Variants in HSPA14 observed in about 807,000 individuals in gnomAD.
HSPA14 encodes the protein heat shock protein family A (Hsp70) member 14, also known as heat shock 70 kDa protein 14.
Under a neutral mutation model 65.5 loss-of-function variants are expected in HSPA14, and 37 were observed. The ratio of observed to expected loss-of-function variants is 0.56; its 90% CI spans 0.43 to 0.74. The LOEUF is 0.74. HSPA14 is among the 30% of genes least tolerant of loss of function. The pLI is 0.00. For missense variants in HSPA14, 564 were observed against 607.6 expected, an observed-to-expected ratio of 0.93 and a Z score of 0.75; for synonymous variants, 203 against 214.2, an observed-to-expected ratio of 0.95 and a Z score of 0.46.
Position 14,870,700 on chromosome 10 carries a change from T to C in HSPA14, c.1451+33T>C, listed in dbSNP as rs555568349. The C allele has an allele frequency of 2.0e-5, 30 of 1,499,368 alleles. No homozygotes were observed. In the African/African-American group the frequency reaches 4.1e-4, roughly 20 times the overall value. The allele number at this position is 1,499,368 out of a possible 1,614,324, so 92.9% of individuals were successfully genotyped here. Reference sequence around the variant, plus strand: ...ATTAAACTTCTGTTGTTAAGAAAATTCAATTTGATACTTGACCATTTTTTG... The same window carrying C: ...ATTAAACTTCTGTTGTTAAGAAAATCCAATTTGATACTTGACCATTTTTTG... On this transcript the variant is annotated intron_variant, in intron 13 of 13. Coordinates refer to ENST00000378372, the MANE Select transcript of HSPA14 (RefSeq NM_016299.4).
intron 5 of HSPA14, 153 bp from the exon 6 acceptor site, chr10:14,849,568 C>T (rs777374927): frequency 1.7e-5 from 12 of 703,498 alleles, no homozygotes; most frequent in East Asian, 2.8e-5. Flanking sequence ...GATTTCAGAG[C>T]GCAGAGAAGA....
Position 14,849,618 on chromosome 10 carries a change from G to A in HSPA14, c.377-103G>A. On this transcript the variant is annotated intron_variant, in intron 5 of 13. Coordinates refer to ENST00000378372, the MANE Select transcript of HSPA14 (RefSeq NM_016299.4). The stretch of plus-strand genomic sequence containing the variant: ...GCGGGGTGGGCAAGCAAGTGTATTG[G>A]GAAATATGTTAAGTGAGATCTTTGT... 5 of 950,090 alleles carry A rather than the reference G, an allele frequency of 5.3e-6. No individual in the cohort carries two copies. In the South Asian group the frequency reaches 5.7e-5, roughly 11 times the overall value. 58.9% of individuals were successfully genotyped at this position (950,090 alleles called of 1,614,324 possible).
At chr10:14,865,351 C>A (rs1243366194) in intron 10 of HSPA14, among the ~76,000 whole-genome samples, 2 of 151,358 alleles carry the variant, frequency 1.3e-5, no homozygotes, top group African/African-American at 2.4e-5. Flanking sequence ...TCAATTTTGG[C>A]TTTTGTTGCC....
At chr10:14,869,388 C>G (rs1832835563) in intron 12 of HSPA14, among the ~76,000 whole-genome samples, 1 of 151,890 alleles carries the variant, frequency 6.6e-6, no homozygotes, top group African/African-American at 2.4e-5. Flanking sequence ...CCTCCACCTC[C>G]CGGGTTCAAC....
intron 12 of HSPA14, among the ~76,000 whole-genome samples, chr10:14,869,580 C>A (rs1462015421): frequency 1.3e-5 from 2 of 152,162 alleles, no homozygotes; most frequent in African/African-American, 4.8e-5. Context: ...CAGGCATGAG[C>A]CACCACGCCT....
Position 14,850,314 on chromosome 10 carries a change from AC to A in HSPA14, c.467+505del, listed in dbSNP as rs570357490. ...GAGAACATAAAATTAAATATGGTGT[AC>A]CTTCAGCTGTTTCGATCGGAAACAT... On this transcript the variant is annotated intron_variant, in intron 6 of 13. Coordinates refer to ENST00000378372, the MANE Select transcript of HSPA14 (RefSeq NM_016299.4). Among the ~76,000 whole-genome samples the A allele has an allele frequency of 1.5e-3, 223 of 151,934 alleles. 1 individual carries two copies. Among genetic ancestry groups the A allele is most frequent in the African/African-American group, 4.7e-3 (194 of 41,424 alleles).
chr10:14,838,492 T>C, intron 1 of HSPA14, 33 bp downstream of exon 1: 1 of 1,566,428 alleles, frequency 6.4e-7, no homozygotes, highest in South Asian at 1.2e-5. Flanking sequence ...TAGGGCTTCA[T>C]GACGGCCACC....
intron 3 of HSPA14, among the ~76,000 whole-genome samples, chr10:14,840,859 TA>T (rs2131634335): frequency 6.6e-6 from 1 of 152,326 alleles, no homozygotes; most frequent in African/African-American, 2.4e-5. Flanking sequence ...AACATCCTTG[TA>T]AAATTGGCAA....
At chr10:14,847,188 A>G (rs1381325892) in intron 3 of HSPA14, among the ~76,000 whole-genome samples, 1 of 152,138 alleles carries the variant, frequency 6.6e-6, no homozygotes, top group Non-Finnish European at 1.5e-5. Context: ...ATTTCTTAAG[A>G]GTTCTGTAAA....
chr10:14,838,381 C>A lies in HSPA14; in HGVS notation c.-22C>A. On this transcript the variant is annotated 5_prime_UTR_variant, in exon 1 of 14. Transcript: ENST00000378372. ...CTGTTGGGGGACCCCCTCATTCCTG[C>A]CGCTGCCGTCCCTGCTGCCTCATGG... 6.3e-7 allele frequency: 1 copy of A among 1,592,558 alleles called. No homozygotes were observed. The highest frequency in any genetic ancestry group is 8.5e-7 in the Non-Finnish European group (1 of 1,172,100).
chr10:14,870,233 A>G (rs1046327835), intron 12 of HSPA14, among the ~76,000 whole-genome samples: 2 of 152,160 alleles, frequency 1.3e-5, no homozygotes, highest in Non-Finnish European at 2.9e-5. Context: ...ATAGAAAGCT[A>G]GCCAAATTAT....
At position 14,867,827 on chromosome 10, in the gene HSPA14, C is replaced by G. The variant is rs1832820383; in HGVS notation, c.1298C>G (p.Pro433Arg). Residue 433 changes from proline to arginine, a missense_variant, in exon 12 of 14, where the codon CCT becomes CGT. Pro to Arg is a moderately radical substitution (Grantham distance 103). Transcript: ENST00000378372. ...PARRQHTLQAPGSISSVCLEL... is the reference protein window; with the variant it reads ...PARRQHTLQARGSISSVCLEL... ...CGAAGACAACACACATTGCAAGCCC[C>G]TGGAAGCATATCTTCAGTGTGCCTT... is the stretch of plus-strand genomic sequence containing the variant. 1.2e-6 allele frequency: 2 copies of G among 1,614,118 alleles called. No homozygotes were observed. Among genetic ancestry groups the G allele is most frequent in the Non-Finnish European group, 1.7e-6 (2 of 1,180,000 alleles).
intron 3 of HSPA14, chr10:14,846,638 G>A (rs561443530): frequency 2.1e-6 from 2 of 948,134 alleles, no homozygotes; most frequent in South Asian, 4.9e-5. Context: ...TTTATAAAGT[G>A]GGAAACTCAT....
rs573083813 is a variant in HSPA14 at position 14,839,989 on chromosome 10, C to G, written c.138+4C>G. On this transcript the variant is annotated splice_donor_region_variant and intron_variant, in intron 2 of 13. Coordinates refer to ENST00000378372, the MANE Select transcript of HSPA14 (RefSeq NM_016299.4). ...TGCTTACTCAGAAAATGAAGAGGTA[C>G]TAGTCCCCCCATTTTTGTACTTCTG... 1.9e-6 allele frequency: 3 copies of G among 1,601,628 alleles called. No homozygotes were observed. In the East Asian group the frequency reaches 6.7e-5, roughly 36 times the overall value.
intron 3 of HSPA14, among the ~76,000 whole-genome samples, chr10:14,848,258 C>T (rs1834078160): frequency 6.6e-6 from 1 of 152,168 alleles, no homozygotes; most frequent in African/African-American, 2.4e-5. Context: ...TTTCTCATCT[C>T]AGTGGTTGGG....
chr10:14,840,058 AT>A lies in HSPA14; in HGVS notation c.139-15del, dbSNP rs372433695. The A allele has an allele frequency of 2.3e-3, 2,731 of 1,182,072 alleles. 11 individuals are homozygous for A. In the East Asian group the frequency reaches 0.039, roughly 17 times the overall value. The allele number at this position is 1,182,072 out of a possible 1,614,324, so 73.2% of individuals were successfully genotyped here. On this transcript the variant is annotated splice_polypyrimidine_tract_variant and intron_variant, in intron 2 of 13. Transcript: ENST00000378372. The stretch of plus-strand genomic sequence containing the variant: ...TACATTGTAATATATATATATATAT[AT>A]TATTTTTTTTTTCAGATTGTTGGAT...
chr10:14,853,854 G>A (rs973531595), intron 8 of HSPA14, among the ~76,000 whole-genome samples: 1 of 152,052 alleles, frequency 6.6e-6, no homozygotes, highest in African/African-American at 2.4e-5. Flanking sequence ...CAAGTAGCTG[G>A]GATTACAGGC....
intron 3 of HSPA14, chr10:14,844,850 T>C: frequency 1.0e-6 from 1 of 985,460 alleles, no homozygotes; most frequent in South Asian, 4.7e-5. Flanking sequence ...TCCCATCCGC[T>C]TTTTAGCTGA....
intron 10 of HSPA14, among the ~76,000 whole-genome samples, chr10:14,863,696 C>G (rs1253312242): frequency 6.6e-6 from 1 of 152,148 alleles, no homozygotes; most frequent in Admixed American, 6.5e-5. Flanking sequence ...CCCTCCTCTT[C>G]TTTTTTGCCT....
Sources: allele counts gnomAD v4.1 joint callset (sites outside exome capture counted in the v4.1 genomes callset), GRCh38; gene constraint gnomAD v4.1.1; transcripts MANE v1.5; gene names NCBI Gene and HGNC (gene_info 2026-07-23, HGNC 2026-07-21).